Variants in LAMA2 observed in about 807,000 individuals in gnomAD.
LAMA2 encodes the protein laminin subunit alpha 2.
In LAMA2, 269 loss-of-function variants were observed where a neutral mutation model predicts 364.8. That is an observed-to-expected ratio of 0.74 (90% CI 0.67 to 0.82). The LOEUF is 0.82. LAMA2 is among the 40% of genes least tolerant of loss of function. LAMA2 has a pLI of 0.00. For missense variants in LAMA2, 3,807 were observed against 3,873.2 expected (o/e 0.98, Z 0.45); for synonymous variants, 1,379 against 1,370.6 (o/e 1.01, Z -0.14).
intron 37 of LAMA2, 105 bp from the exon 38 acceptor site, chr6:129,401,119 C>CT (rs1479186526): frequency 1.2e-6 from 1 of 814,410 alleles, no homozygotes. Context: ...CATGATGTAC[C>CT]TTTTTTGCTA....
At chr6:129,263,447 G>T (rs925852236) in intron 15 of LAMA2, among the ~76,000 whole-genome samples, 2 of 152,114 alleles carry the variant, frequency 1.3e-5, no homozygotes, top group African/African-American at 4.8e-5. Flanking sequence ...GCTTCCTGAG[G>T]TGGTGACAGC....
At chr6:129,054,812 T>C (rs1788352259) in intron 2 of LAMA2, among the ~76,000 whole-genome samples, 1 of 150,424 alleles carries the variant, frequency 6.6e-6, no homozygotes, top group Non-Finnish European at 1.5e-5. Flanking sequence ...TAAGAAAATG[T>C]ATCCAATCAT....
At chr6:129,183,987 G>T (rs1781082823) in intron 10 of LAMA2, among the ~76,000 whole-genome samples, 1 of 151,806 alleles carries the variant, frequency 6.6e-6, no homozygotes, top group African/African-American at 2.4e-5. Flanking sequence ...TCTATGAAAT[G>T]GTGTTATTGA....
chr6:128,987,163 G>T (rs1412632853), intron 1 of LAMA2, among the ~76,000 whole-genome samples: 1 of 117,676 alleles, frequency 8.5e-6, no homozygotes. Flanking sequence ...TTTTGAGGCA[G>T]AGTCTCTCTC....
Position 129,453,000 on chromosome 6 carries a change from G to A in LAMA2, c.6442G>A (p.Val2148Met), listed in dbSNP as rs2114788535. Residue 2148 changes from valine (V) to methionine (M), a missense_variant, in exon 46 of 65, where the codon GTG (valine) becomes ATG (methionine). This residue lies in a region of LAMA2 where 3,333 missense variants were observed against 3,345.7 expected (regional missense o/e 1.00). Transcript: ENST00000421865. ...GTTTTTTTTAAAGATCAAAGTATCTGTGTCTTCAGGAGGTGACTGCATTCG... is the reference window on the plus strand; with the variant it reads ...GTTTTTTTTAAAGATCAAAGTATCTATGTCTTCAGGAGGTGACTGCATTCG... ...RKQANSIKVS[V>M]SSGGDCIRTY... 1 of 1,612,478 alleles carries A rather than the reference G, an allele frequency of 6.2e-7. No individual in the cohort carries two copies. The highest frequency in any genetic ancestry group is 8.5e-7 in the Non-Finnish European group (1 of 1,179,116).
chr6:129,059,007 G>C (rs1178012729), intron 2 of LAMA2, among the ~76,000 whole-genome samples: 1 of 152,218 alleles, frequency 6.6e-6, no homozygotes, highest in Non-Finnish European at 1.5e-5. Flanking sequence ...ACAAAAGTCT[G>C]TTCAGGTGTG....
At chr6:129,086,624 G>T (rs760497385) in intron 3 of LAMA2, among the ~76,000 whole-genome samples, 2 of 152,154 alleles carry the variant, frequency 1.3e-5, no homozygotes, top group Non-Finnish European at 2.9e-5. Flanking sequence ...GCAAAAGTAG[G>T]CAAAACTGGA....
chr6:129,078,670 C>T (rs1773822603), intron 3 of LAMA2, among the ~76,000 whole-genome samples: 1 of 151,882 alleles, frequency 6.6e-6, no homozygotes, highest in African/African-American at 2.4e-5. Flanking sequence ...AATGACATAA[C>T]AAACAATTTT....
At chr6:129,450,850 T>C (rs1782640372) in intron 45 of LAMA2, among the ~76,000 whole-genome samples, 1 of 152,206 alleles carries the variant, frequency 6.6e-6, no homozygotes, top group Non-Finnish European at 1.5e-5. Context: ...TGATTTCTTG[T>C]TCACTTTGAT....
chr6:129,272,914 C>T (rs1037200606), intron 17 of LAMA2, among the ~76,000 whole-genome samples: 11 of 152,204 alleles, frequency 7.2e-5, no homozygotes, highest in South Asian at 6.2e-4. Flanking sequence ...TCCTCCCCTG[C>T]ATCTGTGGAA....
At position 129,428,415 on chromosome 6, in the gene LAMA2, C is replaced by A. The variant is rs67952936; in HGVS notation, c.5968+561C>A. Among the ~76,000 whole-genome samples, 1,200 of 152,312 alleles carry A rather than the reference C, an allele frequency of 7.9e-3. 10 individuals carry two copies. The highest frequency in any genetic ancestry group is 0.013 in the Non-Finnish European group (884 of 68,022). ...CACTACTGTACACCAGCCTGGGTAA[C>A]AGAGTAAGATCCTGTCTCTAAAAAG... On this transcript the variant is annotated intron_variant, in intron 41 of 64. Coordinates refer to ENST00000421865, the MANE Select transcript of LAMA2 (RefSeq NM_000426.4).
chr6:129,077,037 A>G (rs1330801643), intron 3 of LAMA2, among the ~76,000 whole-genome samples: 2 of 152,160 alleles, frequency 1.3e-5, no homozygotes, highest in South Asian at 2.1e-4. Flanking sequence ...ATAATCTTCA[A>G]AAGGCACAGT....
rs768709391 is a variant in LAMA2, at chr6:129,300,801, AATAC to A, written c.3104_3107del (p.Asn1035ThrfsTer39). On this transcript the variant is annotated frameshift_variant, in exon 22 of 65. Transcript: ENST00000421865. LOFTEE classifies it high-confidence loss of function. ...GACTGGGCGATGCATTTGCCCTCCCAATACCATTGGAGAGAAATGTTCTAAATGT... is the reference window on the plus strand; with the variant it reads ...GACTGGGCGATGCATTTGCCCTCCCACATTGGAGAGAAATGTTCTAAATGT... 6.2e-7 allele frequency: 1 copy of A among 1,613,482 alleles called. No homozygotes were observed. The highest frequency in any genetic ancestry group is 8.5e-7 in the Non-Finnish European group (1 of 1,179,428).
intron 12 of LAMA2, among the ~76,000 whole-genome samples, chr6:129,200,148 ACACG>A (rs1395933179): frequency 2.0e-5 from 2 of 98,578 alleles, no homozygotes; most frequent in African/African-American, 8.8e-5. Flanking sequence ...GTACACATAT[ACACG>A]TGTATATATA....
rs1779192095 is a variant in LAMA2 at position 129,157,643 on chromosome 6, T to C, written c.1206+2960T>C. The C allele has an allele frequency of 4.3e-6, 7 of 1,612,200 alleles. 1 individual carries two copies. The South Asian group carries it at 6.6e-5, about 15-fold the overall frequency. ...CTGACATTAGCTTCAAAACTGCTCGTAGACATTCATCACTGTTCCACCGAT... is the reference window on the plus strand; with the variant it reads ...CTGACATTAGCTTCAAAACTGCTCGCAGACATTCATCACTGTTCCACCGAT... On this transcript the variant is annotated intron_variant, in intron 8 of 64. Transcript: ENST00000421865.
intron 2 of LAMA2, among the ~76,000 whole-genome samples, chr6:129,056,743 A>G (rs1277294652): frequency 6.6e-6 from 1 of 152,034 alleles, no homozygotes; most frequent in African/African-American, 2.4e-5. Context: ...CAGCTTTTTA[A>G]ATTTTGAAAT....
chr6:128,884,639 T>A (rs1442134601), intron 1 of LAMA2, among the ~76,000 whole-genome samples: 1 of 152,206 alleles, frequency 6.6e-6, no homozygotes, highest in African/African-American at 2.4e-5. Context: ...TTTCCTTCTA[T>A]TTTTGCTTTT....
chr6:128,929,291 G>C, intron 1 of LAMA2: 1 of 1,289,208 alleles, frequency 7.8e-7, no homozygotes, highest in East Asian at 2.3e-5. Context: ...GCGGATCCCT[G>C]CCCACATGTC....
chr6:129,211,630 C>A (rs1217464287), intron 12 of LAMA2, among the ~76,000 whole-genome samples: 2 of 152,210 alleles, frequency 1.3e-5, no homozygotes, highest in Admixed American at 1.3e-4. Context: ...AATGTCCCTT[C>A]AGTACGGGAT....
Sources: gnomAD v4.1 joint callset for allele counts (sites outside exome capture counted in the v4.1 genomes callset) on GRCh38, gnomAD v4.1.1 for gene constraint, gnomAD v4.1.1 regional missense constraint, MANE v1.5 for transcripts, NCBI Gene and HGNC (gene_info 2026-07-23, HGNC 2026-07-21) for gene names.